The following CATSPERB variants were observed in gnomAD, a reference collection of about 807,000 sequenced individuals.
CATSPERB encodes the protein catsper channel auxiliary subunit beta, also known as cation channel sperm-associated auxiliary subunit beta.
A neutral mutation model predicts 128.3 loss-of-function variants in CATSPERB; 93 were observed. The ratio of observed to expected loss-of-function variants is 0.72; its 90% CI spans 0.61 to 0.86. The LOEUF is 0.86. CATSPERB is among the 40% of genes least tolerant of loss of function. CATSPERB has a pLI of 0.00. For synonymous variants in CATSPERB, 381 were observed against 448.8 expected (o/e 0.85, Z 1.91); for missense variants, 1,153 against 1,329.5 (o/e 0.87, Z 2.06).
intron 5 of CATSPERB, among the ~76,000 whole-genome samples, chr14:91,719,007 T>A (rs1357533952): frequency 6.6e-6 from 1 of 152,180 alleles, no homozygotes; most frequent in Non-Finnish European, 1.5e-5. Context: ...TAGCATATGA[T>A]GCTACACTGC....
At chr14:91,702,836 G>T (rs2139853525) in intron 7 of CATSPERB, among the ~76,000 whole-genome samples, 1 of 151,898 alleles carries the variant, frequency 6.6e-6, no homozygotes, top group South Asian at 2.1e-4. Flanking sequence ...TTATAAACAT[G>T]AAATCTCTTA....
intron 26 of CATSPERB, 75 bp downstream of exon 26, chr14:91,587,127 G>T (rs1019028253): frequency 2.6e-6 from 3 of 1,175,230 alleles, no homozygotes; most frequent in Admixed American, 2.4e-5. Context: ...TTTTCTCTTC[G>T]GTGTCTCTTG....
chr14:91,702,533 T>C (rs771202137), intron 7 of CATSPERB, among the ~76,000 whole-genome samples: 1 of 151,864 alleles, frequency 6.6e-6, no homozygotes, highest in Non-Finnish European at 1.5e-5. Context: ...ATCTATTGCT[T>C]TATAATAAGT....
intron 10 of CATSPERB, among the ~76,000 whole-genome samples, chr14:91,690,273 G>A (rs895475514): frequency 2.6e-4 from 40 of 152,272 alleles, no homozygotes; most frequent in African/African-American, 8.7e-4. Flanking sequence ...GGTTACAGGC[G>A]TGGGCTATCG....
At chr14:91,645,907 G>C (rs1450715011) in intron 15 of CATSPERB, among the ~76,000 whole-genome samples, 7 of 145,842 alleles carry the variant, frequency 4.8e-5, no homozygotes, top group Non-Finnish European at 9.1e-5. Context: ...ATATAGTCTC[G>C]TGGTGCGCCA....
At chr14:91,667,581 C>A (rs1432803446) in intron 14 of CATSPERB, among the ~76,000 whole-genome samples, 1 of 152,156 alleles carries the variant, frequency 6.6e-6, no homozygotes, top group African/African-American at 2.4e-5. Context: ...GACAAGTCTG[C>A]AAGAAATAAT....
At chr14:91,665,821 G>C (rs1444600526) in intron 14 of CATSPERB, among the ~76,000 whole-genome samples, 2 of 151,932 alleles carry the variant, frequency 1.3e-5, no homozygotes, top group East Asian at 3.9e-4. Context: ...AGTGAGCCTG[G>C]GCGACAGAAC....
At chr14:91,653,283 T>C (rs970137040) in intron 15 of CATSPERB, among the ~76,000 whole-genome samples, 2 of 152,170 alleles carry the variant, frequency 1.3e-5, no homozygotes, top group Admixed American at 6.5e-5. Flanking sequence ...CTAATTTCTG[T>C]TAGACCTAAT....
At chr14:91,678,256 T>G (rs1290432355) in intron 11 of CATSPERB, among the ~76,000 whole-genome samples, 3 of 152,140 alleles carry the variant, frequency 2.0e-5, no homozygotes, top group Non-Finnish European at 2.9e-5. Flanking sequence ...AAAACAAAAC[T>G]GAACTGCCGT....
At chr14:91,681,825 C>T (rs1202254972) in intron 11 of CATSPERB, among the ~76,000 whole-genome samples, 7 of 152,200 alleles carry the variant, frequency 4.6e-5, no homozygotes, top group Non-Finnish European at 8.8e-5. Flanking sequence ...TGGAATTAAA[C>T]CCTGGATACA....
chr14:91,658,197 C>G (rs997059881), intron 15 of CATSPERB, among the ~76,000 whole-genome samples: 1 of 152,030 alleles, frequency 6.6e-6, no homozygotes, highest in African/African-American at 2.4e-5. Context: ...GAGTACTATT[C>G]AGCCATAAAA....
chr14:91,719,350 T>A (rs1374475535), intron 5 of CATSPERB, 68 bp downstream of exon 5: 1 of 1,117,754 alleles, frequency 8.9e-7, no homozygotes, highest in African/African-American at 1.6e-5. Flanking sequence ...GATAATAAAT[T>A]CTTTTTGTTC....
chr14:91,603,546 C>T (rs1678256029), intron 22 of CATSPERB: 2 of 736,862 alleles, frequency 2.7e-6, no homozygotes, highest in Non-Finnish European at 2.4e-6. Context: ...AGGCAGAGGA[C>T]CCCACCGCTC....
intron 7 of CATSPERB, among the ~76,000 whole-genome samples, chr14:91,701,826 G>A (rs759763798): frequency 2.0e-5 from 3 of 151,528 alleles, no homozygotes; most frequent in Non-Finnish European, 4.4e-5. Flanking sequence ...TAGGAGGATT[G>A]CTTGAGCCTA....
intron 14 of CATSPERB, 123 bp downstream of exon 14, chr14:91,669,691 G>A: frequency 1.1e-6 from 1 of 899,680 alleles, no homozygotes; most frequent in Non-Finnish European, 1.6e-6. Context: ...AATAAATATT[G>A]TCTTCCCTCC....
At chr14:91,631,597 G>A (rs373352153) in intron 17 of CATSPERB, among the ~76,000 whole-genome samples, 4 of 151,978 alleles carry the variant, frequency 2.6e-5, no homozygotes, top group African/African-American at 9.7e-5. Flanking sequence ...CCCAGGAGGC[G>A]GAGGTTGCAG....
chr14:91,702,487 T>A (rs1895666311), intron 7 of CATSPERB, among the ~76,000 whole-genome samples: 1 of 151,950 alleles, frequency 6.6e-6, no homozygotes, highest in African/African-American at 2.4e-5. Context: ...TGGGCAAGGT[T>A]ATTTGTCTAT....
chr14:91,713,241 C>T (rs1437970169), intron 5 of CATSPERB, among the ~76,000 whole-genome samples: 1 of 151,286 alleles, frequency 6.6e-6, no homozygotes, highest in Non-Finnish European at 1.5e-5. Flanking sequence ...GGGGTCAGTA[C>T]TTTGCTGACC....
chr14:91,604,346 G>A lies in CATSPERB; in HGVS notation c.2709+3948C>T, dbSNP rs891198071. ...CTATGAGGGATGGGAGGAGGGGAGA[G>A]GAAGGATTCAGCCAGTGCCCAGACT... is the stretch of plus-strand genomic sequence containing the variant. On this transcript the variant is annotated intron_variant, in intron 22 of 26. Coordinates refer to ENST00000256343, the MANE Select transcript of CATSPERB (RefSeq NM_024764.4). 1.4e-5 allele frequency: 11 copies of A among 801,072 alleles called. No homozygotes were observed. The East Asian group carries it at 2.7e-4, about 19-fold the overall frequency. 49.6% of individuals were successfully genotyped at this position (801,072 alleles called of 1,614,324 possible).
Sources: allele counts gnomAD v4.1 joint callset (sites outside exome capture counted in the v4.1 genomes callset), GRCh38; gene constraint gnomAD v4.1.1; transcripts MANE v1.5; gene names NCBI Gene and HGNC (gene_info 2026-07-23, HGNC 2026-07-21).